Variants in GTPBP6 observed in about 807,000 individuals in gnomAD.
The protein encoded by GTPBP6 is GTP binding protein 6.
Under a neutral mutation model 28.9 loss-of-function variants are expected in GTPBP6, and 33 were observed. That is an observed-to-expected ratio of 1.14 (90% CI 0.87 to 1.53). GTPBP6 has a LOEUF of 1.53. Among genes scored for constraint, GTPBP6 ranks in the 40% most tolerant of loss-of-function variants. GTPBP6 has a pLI of 0.00. For missense variants in GTPBP6, 507 were observed against 408.3 expected, an observed-to-expected ratio of 1.24 and a Z score of -2.08; for synonymous variants, 231 against 192.7, an observed-to-expected ratio of 1.20 and a Z score of -1.65.
intron 5 of GTPBP6, 132 bp downstream of exon 5, chrX:314,018 C>G (rs1463657367): frequency 2.0e-5 from 16 of 781,580 alleles, no homozygotes; most frequent in Non-Finnish European, 3.3e-5. Context: ...CCTATGTCCT[C>G]AAATGCTACC....
Position 314,236 on chromosome X carries a change from T to A in GTPBP6, c.690-19A>T. ...GTTCGACCTGGTGTGGGAACGGGAG[T>A]GGCTCGGTCTCTGCGGACGCTGTCT... On this transcript the variant is annotated intron_variant, in intron 4 of 9. Coordinates refer to ENST00000326153, the Ensembl canonical transcript of GTPBP6. 6.2e-7 allele frequency: 1 copy of A among 1,606,130 alleles called. No homozygotes were observed. The highest frequency in any genetic ancestry group is 8.5e-7 in the Non-Finnish European group (1 of 1,173,258).
chrX:313,777 G>C (rs926171583), intron 5 of GTPBP6, among the ~76,000 whole-genome samples: 12 of 152,176 alleles, frequency 7.9e-5, no homozygotes, highest in Non-Finnish European at 1.2e-4. Context: ...GGAGCTGGGA[G>C]AGGCAGAAGG....
At chrX:306,822 A>G (rs73613838) in intron 9 of GTPBP6, among the ~76,000 whole-genome samples, 1,279 of 126,130 alleles carry the variant, frequency 0.01, 103 homozygotes, top group African/African-American at 0.061. Context: ...TTGTATCCAC[A>G]GTCAGAAATG....
exon 9 of GTPBP6, chrX:307,495 G>C (rs769387323): frequency 1.2e-6 from 2 of 1,611,220 alleles, no homozygotes; most frequent in East Asian, 2.2e-5. Flanking sequence ...CACGACGTTC[G>C]GTTCCGTGGG....
chrX:316,813 C>T (rs1184888402), intron 2 of GTPBP6, 101 bp downstream of exon 2: 2 of 398,958 alleles, frequency 5.0e-6, no homozygotes, highest in Non-Finnish European at 8.8e-6. Flanking sequence ...CCCCTCTGGC[C>T]CCGCAAGACC....
chrX:304,983 A>C (rs2070122491), exon 10 of GTPBP6: 4 of 1,549,660 alleles, frequency 2.6e-6, no homozygotes, highest in Non-Finnish European at 3.5e-6. Context: ...ACCCTGCTGC[A>C]CCTGACACCA....
chrX:318,308 G>A (rs1170068097), intron 1 of GTPBP6, 131 bp downstream of exon 1: 7 of 387,158 alleles, frequency 1.8e-5, no homozygotes, highest in African/African-American at 4.5e-5. Flanking sequence ...CCCCGCCCCT[G>A]AATCTCCACC....
chrX:306,474 T>TTA lies in GTPBP6; in HGVS notation c.1427+885_1427+886insTA, dbSNP rs1381298503. Reference sequence around the variant, plus strand: ...TGTATCCACAGTCAGAAATGTACATTGAGTGTCAGCACACATTAGGCACCT... The same window carrying TTA: ...TGTATCCACAGTCAGAAATGTACATTTAGAGTGTCAGCACACATTAGGCACCT... On this transcript the variant is annotated intron_variant, in intron 9 of 9. Transcript: ENST00000326153. Among the ~76,000 whole-genome samples the TTA allele has an allele frequency of 1.3e-3, 188 of 146,178 alleles. 2 individuals are homozygous for TTA. The highest frequency in any genetic ancestry group is 3.9e-3 in the African/African-American group (149 of 37,840).
At chrX:305,324 GTT>G (rs375287376) in intron 9 of GTPBP6, 127 bp from the exon 10 acceptor site, 1,434 of 595,638 alleles carry the variant, frequency 2.4e-3, no homozygotes, top group Admixed American at 2.7e-3. Flanking sequence ...GTTTCCTTTT[GTT>G]TTTTTTTTTT....
At chrX:314,700 T>C (rs1234655593) in intron 4 of GTPBP6, among the ~76,000 whole-genome samples, 190 bp downstream of exon 4, 1 of 151,908 alleles carries the variant, frequency 6.6e-6, no homozygotes, top group Admixed American at 6.6e-5. Context: ...ATGGTCTCGA[T>C]CTCGTGACCT....
At chrX:318,791 G>A in exon 1 of GTPBP6, 1 of 305,646 alleles carries the variant, frequency 3.3e-6, no homozygotes, top group Non-Finnish European at 6.0e-6. Context: ...CCCACATGGC[G>A]CGTCTGGAGG....
At chrX:317,478 A>T (rs1303549267) in intron 1 of GTPBP6, among the ~76,000 whole-genome samples, 1 of 147,554 alleles carries the variant, frequency 6.8e-6, no homozygotes, top group Non-Finnish European at 1.5e-5. Flanking sequence ...CTCATCGACT[A>T]CAGGAGCTTC....
chrX:314,040 A>C (rs113358795), intron 5 of GTPBP6, 110 bp downstream of exon 5: 10,396 of 420,480 alleles, frequency 0.025, 3 homozygotes, highest in Non-Finnish European at 0.034. Context: ...GGAGACGGAG[A>C]CCCCAGCTGG....
intron 5 of GTPBP6, 87 bp downstream of exon 5, chrX:314,063 T>C (rs1161592132): frequency 9.7e-7 from 1 of 1,033,790 alleles, no homozygotes; most frequent in African/African-American, 1.6e-5. Flanking sequence ...CCCACCCTGT[T>C]GGAATCTTCC....
exon 9 of GTPBP6, chrX:307,484 G>A (rs757364188): frequency 1.2e-6 from 2 of 1,609,518 alleles, no homozygotes; most frequent in Non-Finnish European, 1.7e-6. Context: ...GCAGACACGG[G>A]CACGACGTTC....
intron 4 of GTPBP6, among the ~76,000 whole-genome samples, chrX:314,549 T>G (rs1310806369): frequency 1.3e-5 from 2 of 151,488 alleles, no homozygotes; most frequent in East Asian, 3.9e-4. Flanking sequence ...CTCGGCTCAC[T>G]GCAAGCTCCA....
chrX:307,311 A>G, intron 9 of GTPBP6, 49 bp downstream of exon 9: 1 of 1,581,104 alleles, frequency 6.3e-7, no homozygotes, highest in Admixed American at 1.7e-5. Context: ...AGAGCCAGAG[A>G]CAGGCATCCA....
chrX:316,675 A>T (rs1440487808), intron 2 of GTPBP6, among the ~76,000 whole-genome samples: 1 of 151,988 alleles, frequency 6.6e-6, no homozygotes, highest in African/African-American at 2.4e-5. Context: ...AACTGCCCCG[A>T]CCTAATCTTT....
Position 311,637 on chromosome X carries a change from C to T in GTPBP6, c.917-10G>A, listed in dbSNP as rs759913465. On this transcript the variant is annotated splice_polypyrimidine_tract_variant and intron_variant, in intron 6 of 9. Coordinates refer to ENST00000326153, the Ensembl canonical transcript of GTPBP6. Reference sequence around the variant, plus strand: ...ATCAGCGTGGTCTTTCCTAGGAGGGCGTGGAGGTCAGGGCGCTGCAGAGAT... The same window carrying T: ...ATCAGCGTGGTCTTTCCTAGGAGGGTGTGGAGGTCAGGGCGCTGCAGAGAT... The T allele has an allele frequency of 1.9e-5, 30 of 1,607,526 alleles. No homozygotes were observed. The highest frequency in any genetic ancestry group is 4.5e-5 in the East Asian group (2 of 44,856).
Sources: allele counts gnomAD v4.1 joint callset (sites outside exome capture counted in the v4.1 genomes callset), GRCh38; gene constraint gnomAD v4.1.1; transcripts MANE v1.5; gene names NCBI Gene and HGNC (gene_info 2026-07-23, HGNC 2026-07-21).